Variants in HECW1 observed in about 807,000 individuals in gnomAD.
HECW1 encodes E3 ubiquitin-protein ligase HECW1.
Under a neutral mutation model 182.3 loss-of-function variants are expected in HECW1, and 61 were observed. That is an observed-to-expected ratio of 0.33 (90% CI 0.27 to 0.41). The LOEUF (loss-of-function observed/expected upper bound fraction) is 0.41. Ranked by LOEUF, HECW1 falls within the 10% of genes least tolerant of loss-of-function variation. HECW1 has a pLI of 1.00. For synonymous variants in HECW1, 859 were observed against 832.6 expected, an observed-to-expected ratio of 1.03 and a Z score of -0.55; for missense variants, 1,739 against 2,108.9, an observed-to-expected ratio of 0.82 and a Z score of 3.44.
intron 2 of HECW1, among the ~76,000 whole-genome samples, chr7:43,161,886 T>C (rs1790570706): frequency 6.6e-6 from 1 of 152,264 alleles, no homozygotes; most frequent in African/African-American, 2.4e-5. Flanking sequence ...ATAACTGCAA[T>C]GTGACCCGTT....
intron 5 of HECW1, among the ~76,000 whole-genome samples, chr7:43,331,585 T>C: frequency 6.8e-6 from 1 of 146,186 alleles, no homozygotes; most frequent in South Asian, 2.2e-4. Flanking sequence ...AGAGCAAGAC[T>C]CTGTCTCAAA....
At chr7:43,345,865 C>G (rs909515118) in intron 5 of HECW1, among the ~76,000 whole-genome samples, 1 of 149,662 alleles carries the variant, frequency 6.7e-6, no homozygotes, top group African/African-American at 2.5e-5. Flanking sequence ...TATATATATA[C>G]ACACACACAC....
chr7:43,275,803 G>C (rs995489780), intron 3 of HECW1, among the ~76,000 whole-genome samples: 3 of 150,410 alleles, frequency 2.0e-5, no homozygotes, highest in African/African-American at 7.4e-5. Flanking sequence ...ATAGGTGGCT[G>C]TGGGTTTATT....
intron 3 of HECW1, among the ~76,000 whole-genome samples, chr7:43,259,378 C>T (rs1800935529): frequency 7.3e-6 from 1 of 137,374 alleles, no homozygotes. Context: ...CAGAGTGAGA[C>T]TCCATGTCCA....
At chr7:43,194,697 C>CTT (rs59580794) in intron 2 of HECW1, among the ~76,000 whole-genome samples, 90 of 143,400 alleles carry the variant, frequency 6.3e-4, no homozygotes, top group Non-Finnish European at 9.8e-4. Context: ...GCTCTCCACC[C>CTT]TTTTTTTTTT....
intron 5 of HECW1, among the ~76,000 whole-genome samples, chr7:43,351,144 C>G (rs1473717579): frequency 6.6e-6 from 1 of 152,190 alleles, no homozygotes; most frequent in Non-Finnish European, 1.5e-5. Context: ...TCTTCTGGGT[C>G]TAGCCACCCA....
intron 3 of HECW1, among the ~76,000 whole-genome samples, chr7:43,251,915 A>G (rs1217843077): frequency 6.6e-6 from 1 of 152,136 alleles, no homozygotes; most frequent in Non-Finnish European, 1.5e-5. Flanking sequence ...AGCAATCGCA[A>G]GAGGCAGTGT....
chr7:43,476,496 T>G (rs2078224187), intron 16 of HECW1, among the ~76,000 whole-genome samples: 1 of 152,152 alleles, frequency 6.6e-6, no homozygotes, highest in African/African-American at 2.4e-5. Flanking sequence ...TTTTTGGAAC[T>G]TAATAAAATT....
intron 3 of HECW1, among the ~76,000 whole-genome samples, chr7:43,268,322 TGG>T (rs1423099216): frequency 6.6e-6 from 1 of 152,192 alleles, no homozygotes; most frequent in Non-Finnish European, 1.5e-5. Flanking sequence ...CATGGCTCAG[TGG>T]AGAAGGGCTG....
chr7:43,128,276 A>G (rs1007142861), intron 2 of HECW1, among the ~76,000 whole-genome samples: 1 of 152,372 alleles, frequency 6.6e-6, no homozygotes, highest in Middle Eastern at 3.4e-3. Context: ...CCTGGCTTCA[A>G]ATCTTCAAAA....
intron 3 of HECW1, among the ~76,000 whole-genome samples, chr7:43,253,910 G>C (rs79984672): frequency 9.8e-4 from 140 of 143,202 alleles, no homozygotes; most frequent in Middle Eastern, 3.5e-3. Flanking sequence ...TTCCGTCTCA[G>C]AAAAAAAAAA....
intron 3 of HECW1, among the ~76,000 whole-genome samples, chr7:43,310,504 CA>C (rs1293010609): frequency 2.0e-5 from 3 of 152,168 alleles, no homozygotes; most frequent in African/African-American, 7.2e-5. Context: ...TCAGTAGGGC[CA>C]AAGGAATTCC....
intron 8 of HECW1, among the ~76,000 whole-genome samples, chr7:43,412,467 T>C (rs2075836097): frequency 6.7e-6 from 1 of 148,868 alleles, no homozygotes; most frequent in African/African-American, 2.5e-5. Flanking sequence ...ATTTTAATTA[T>C]TATACTTTAA....
intron 14 of HECW1, among the ~76,000 whole-genome samples, chr7:43,465,530 T>C (rs2077734744): frequency 6.6e-6 from 1 of 152,226 alleles, no homozygotes; most frequent in African/African-American, 2.4e-5. Context: ...ACAGGTCTCT[T>C]GAAACCCTGA....
chr7:43,343,198 G>A (rs1019809598), intron 5 of HECW1, among the ~76,000 whole-genome samples: 3 of 151,502 alleles, frequency 2.0e-5, no homozygotes, highest in African/African-American at 7.3e-5. Flanking sequence ...CACCTGAGTA[G>A]CTAAAAACTT....
chr7:43,184,609 A>G (rs1389925460), intron 2 of HECW1, among the ~76,000 whole-genome samples: 1 of 152,188 alleles, frequency 6.6e-6, no homozygotes, highest in African/African-American at 2.4e-5. Context: ...GACTTTCAGC[A>G]TTACCCCTCA....
intron 5 of HECW1, among the ~76,000 whole-genome samples, chr7:43,330,076 G>A (rs1811278973): frequency 6.6e-6 from 1 of 152,156 alleles, no homozygotes; most frequent in South Asian, 2.1e-4. Flanking sequence ...GTTAAGGGTG[G>A]CCATAAATTC....
intron 2 of HECW1, among the ~76,000 whole-genome samples, chr7:43,182,422 ATG>A (rs1400072957): frequency 6.6e-6 from 1 of 151,966 alleles, no homozygotes; most frequent in African/African-American, 2.4e-5. Flanking sequence ...CCTTTCCCCA[ATG>A]TGTGTTTTTG....
chr7:43,310,318 C>T (rs987245774), intron 3 of HECW1, among the ~76,000 whole-genome samples: 3 of 152,172 alleles, frequency 2.0e-5, no homozygotes, highest in Admixed American at 1.3e-4. Context: ...TGGCCTTCAG[C>T]GCTTTGCCAG....
Sources: gnomAD v4.1 joint callset for allele counts (sites outside exome capture counted in the v4.1 genomes callset) on GRCh38, gnomAD v4.1.1 for gene constraint, MANE v1.5 for transcripts, NCBI Gene and HGNC (gene_info 2026-07-23, HGNC 2026-07-21) for gene names.